The following IQGAP2 variants were observed in gnomAD, a reference collection of about 807,000 sequenced individuals.
IQGAP2 encodes ras GTPase-activating-like protein IQGAP2.
In IQGAP2, 173 loss-of-function variants were observed where a neutral mutation model predicts 201.3. The observed-to-expected ratio is 0.86, with a 90% CI of 0.76 to 0.98. The LOEUF (loss-of-function observed/expected upper bound fraction) is 0.98, where lower values mean the gene tolerates loss of function less well. IQGAP2 is among the 50% of genes least tolerant of loss of function. The probability of loss-of-function intolerance (pLI) is 0.00; values close to 1 mark genes in which losing one functional copy is unlikely to be tolerated. For synonymous variants in IQGAP2, 675 were observed against 673.9 expected, an observed-to-expected ratio of 1.00 and a Z score of -0.03; for missense variants, 1,687 against 1,864.8, an observed-to-expected ratio of 0.90 and a Z score of 1.76.
intron 28 of IQGAP2, among the ~76,000 whole-genome samples, chr5:76,678,394 A>T (rs146784475): frequency 2.0e-3 from 304 of 152,030 alleles, no homozygotes; most frequent in Middle Eastern, 0.014. Flanking sequence ...AGGAATTGGG[A>T]GGCTTTAGAT....
intron 2 of IQGAP2, among the ~76,000 whole-genome samples, chr5:76,467,808 T>G (rs1191109008): frequency 6.6e-6 from 1 of 152,134 alleles, no homozygotes; most frequent in Non-Finnish European, 1.5e-5. Flanking sequence ...AAGAATGAAG[T>G]ACTGATACAT....
At chr5:76,474,829 C>A (rs1755318207) in intron 2 of IQGAP2, among the ~76,000 whole-genome samples, 1 of 152,204 alleles carries the variant, frequency 6.6e-6, no homozygotes, top group Non-Finnish European at 1.5e-5. Context: ...TCTCCTGCCT[C>A]AGCCTCCCAA....
At chr5:76,520,893 G>T (rs1268375347) in intron 2 of IQGAP2, among the ~76,000 whole-genome samples, 1 of 151,722 alleles carries the variant, frequency 6.6e-6, no homozygotes, top group African/African-American at 2.4e-5. Context: ...ATTTTTAGTA[G>T]AGGCGAGGTT....
intron 28 of IQGAP2, among the ~76,000 whole-genome samples, chr5:76,682,123 C>A (rs1482442383): frequency 6.6e-6 from 1 of 152,158 alleles, no homozygotes; most frequent in Admixed American, 6.5e-5. Flanking sequence ...AACTGTTCTA[C>A]AGTCAGAGAG....
At chr5:76,674,256 T>C (rs1268357444) in intron 26 of IQGAP2, among the ~76,000 whole-genome samples, 1 of 152,226 alleles carries the variant, frequency 6.6e-6, no homozygotes, top group Non-Finnish European at 1.5e-5. Flanking sequence ...TTGGGGGCAA[T>C]GAGCATTTTT....
chr5:76,618,503 A>C, intron 13 of IQGAP2: 1 of 1,614,166 alleles, frequency 6.2e-7, no homozygotes, highest in Admixed American at 1.7e-5. Context: ...CAGGGCACTT[A>C]ATTTTTACAG....
At chr5:76,447,707 T>C (rs10068651) in intron 1 of IQGAP2, among the ~76,000 whole-genome samples, 58,363 of 152,034 alleles carry the variant, frequency 0.38, 13,252 homozygotes, top group East Asian at 0.53. Flanking sequence ...CTCTGGGCTG[T>C]TAAACCAGGA....
At chr5:76,689,230 T>TAAAAAAAAAAAAAAA (rs11424254) in intron 30 of IQGAP2, among the ~76,000 whole-genome samples, 21 of 86,488 alleles carry the variant, frequency 2.4e-4, no homozygotes, top group African/African-American at 8.5e-4. Flanking sequence ...CAGGGATATT[T>TAAAAAAAAAAAAAAA]AAAAAAAAAA....
At chr5:76,468,614 A>G (rs1369883390) in intron 2 of IQGAP2, among the ~76,000 whole-genome samples, 1 of 152,152 alleles carries the variant, frequency 6.6e-6, no homozygotes, top group East Asian at 1.9e-4. Flanking sequence ...AGCCTCCTTC[A>G]ATCCTTTATC....
intron 2 of IQGAP2, among the ~76,000 whole-genome samples, chr5:76,467,507 G>T (rs1332470073): frequency 6.6e-6 from 1 of 152,194 alleles, no homozygotes; most frequent in African/African-American, 2.4e-5. Flanking sequence ...TAGTGAGGAT[G>T]TAGAGAAATC....
intron 25 of IQGAP2, 134 bp from the exon 26 acceptor site, chr5:76,673,818 C>A (rs1420314624): frequency 3.7e-5 from 25 of 683,582 alleles, no homozygotes; most frequent in Non-Finnish European, 4.6e-5. Flanking sequence ...TCCTGTGATT[C>A]CATTACCATC....
Position 76,674,695 on chromosome 5 carries a change from G to C in IQGAP2, c.3513G>C (p.Thr1171=). ...LSSMNNYLSE[T]YQEFRKYFKE... is the part of the protein sequence containing the mutation. The stretch of plus-strand genomic sequence containing the variant: ...CTATGAACAATTATTTATCAGAGAC[G>C]TATCAGGAATTCAGGTGAGAGGGGC... The change falls in exon 27 of 36, where the codon ACG becomes ACC. Residue 1171 remains threonine (T), a synonymous_variant. Transcript: ENST00000274364. 6.2e-7 allele frequency: 1 copy of C among 1,612,360 alleles called. No homozygotes were observed. Among genetic ancestry groups the C allele is most frequent in the Non-Finnish European group, 8.5e-7 (1 of 1,178,374 alleles).
At chr5:76,643,582 G>A (rs2909887) in intron 17 of IQGAP2, among the ~76,000 whole-genome samples, 94,383 of 151,928 alleles carry the variant, frequency 0.62, 29,456 homozygotes, top group South Asian at 0.78. Flanking sequence ...GATATTGTTG[G>A]TGTGGCACAG....
chr5:76,519,570 A>G (rs1420252717), intron 2 of IQGAP2, among the ~76,000 whole-genome samples: 1 of 152,234 alleles, frequency 6.6e-6, no homozygotes, highest in Admixed American at 6.5e-5. Flanking sequence ...GTACTGGGTC[A>G]TATGGAAGAT....
intron 1 of IQGAP2, among the ~76,000 whole-genome samples, chr5:76,445,746 G>C (rs193226764): frequency 2.1e-4 from 32 of 152,276 alleles, no homozygotes; most frequent in African/African-American, 7.0e-4. Context: ...TTACAGATGT[G>C]AGCCGCCATG....
intron 11 of IQGAP2, among the ~76,000 whole-genome samples, chr5:76,602,594 TA>T (rs764066464): frequency 6.7e-6 from 1 of 149,104 alleles, no homozygotes; most frequent in Non-Finnish European, 1.5e-5. Flanking sequence ...TTTTTTTTTT[TA>T]ATTTAAATAC....
At chr5:76,671,197 G>T (rs1744279293) in intron 23 of IQGAP2, among the ~76,000 whole-genome samples, 1 of 152,158 alleles carries the variant, frequency 6.6e-6, no homozygotes, top group African/African-American at 2.4e-5. Flanking sequence ...GGAGGAGGAG[G>T]TTGCAGTGAG....
intron 13 of IQGAP2, among the ~76,000 whole-genome samples, chr5:76,612,751 G>A (rs938497464): frequency 1.3e-5 from 2 of 152,070 alleles, no homozygotes; most frequent in Non-Finnish European, 1.5e-5. Flanking sequence ...TGTATGTGTT[G>A]GGGGAGGGGC....
At chr5:76,485,920 A>G (rs756825873) in intron 2 of IQGAP2, among the ~76,000 whole-genome samples, 7 of 152,150 alleles carry the variant, frequency 4.6e-5, no homozygotes, top group Admixed American at 6.6e-5. Context: ...TTTTTTCCAC[A>G]GCTTTAGTAG....
Sources: allele counts gnomAD v4.1 joint callset (sites outside exome capture counted in the v4.1 genomes callset), GRCh38; gene constraint gnomAD v4.1.1; transcripts MANE v1.5; gene names NCBI Gene and HGNC (gene_info 2026-07-23, HGNC 2026-07-21).